The following CIMIP7 variants were observed in gnomAD, a reference collection of about 807,000 sequenced individuals.
The protein encoded by CIMIP7 is ciliary microtubule inner protein 7, also known as uncharacterized protein C3orf84.
At chr3:49,177,939 C>T in the CIMIP7 span, 2 of 1,613,736 alleles carry the variant, frequency 1.2e-6, no homozygotes, top group Non-Finnish European at 1.7e-6. Context: ...ATTCCAGGGG[C>T]CCCTGCTGGC....
chr3:49,179,374 A>G, the CIMIP7 span, among the ~76,000 whole-genome samples: 2 of 152,194 alleles, frequency 1.3e-5, no homozygotes, highest in Non-Finnish European at 2.9e-5. Flanking sequence ...AGCAGCCAGC[A>G]TAATTCTGTT....
chr3:49,181,625 A>G, the CIMIP7 span, among the ~76,000 whole-genome samples: 1 of 152,218 alleles, frequency 6.6e-6, no homozygotes, highest in Admixed American at 6.5e-5. Flanking sequence ...GCCACTGCGA[A>G]CCAAGCTACA....
At chr3:49,180,979 T>TA in the CIMIP7 span, among the ~76,000 whole-genome samples, 2 of 148,676 alleles carry the variant, frequency 1.3e-5, no homozygotes, top group African/African-American at 5.0e-5. Flanking sequence ...CCGCCTGCCT[T>TA]AGACAGTCTG....
At chr3:49,186,841 T>C in the CIMIP7 span, among the ~76,000 whole-genome samples, 1 of 152,244 alleles carries the variant, frequency 6.6e-6, no homozygotes, top group Non-Finnish European at 1.5e-5. Context: ...TATTATACTA[T>C]AGCTTTGCAA....
chr3:49,190,757 C>T, the CIMIP7 span, among the ~76,000 whole-genome samples: 1 of 150,702 alleles, frequency 6.6e-6, no homozygotes, highest in Non-Finnish European at 1.5e-5. Context: ...CAACCTCTGC[C>T]TCCCGGGTTC....
At chr3:49,191,402 A>C in the CIMIP7 span, among the ~76,000 whole-genome samples, 1 of 152,226 alleles carries the variant, frequency 6.6e-6, no homozygotes, top group Admixed American at 6.5e-5. Context: ...ATGGACAAAA[A>C]CACAATCTTT....
the CIMIP7 span, among the ~76,000 whole-genome samples, chr3:49,191,037 G>A: frequency 7.2e-5 from 11 of 152,244 alleles, no homozygotes; most frequent in East Asian, 2.1e-3. Context: ...CAAGAAAGGG[G>A]CTGTACTGTG....
the CIMIP7 span, among the ~76,000 whole-genome samples, chr3:49,178,713 T>G: frequency 6.6e-6 from 1 of 152,080 alleles, no homozygotes; most frequent in South Asian, 2.1e-4. Context: ...AACACTTCAG[T>G]CCTGGGATAT....
At chr3:49,178,094 A>G in the CIMIP7 span, 1 of 1,519,262 alleles carries the variant, frequency 6.6e-7, no homozygotes, top group Non-Finnish European at 8.8e-7. Context: ...TCCTGGCACC[A>G]AGCACCTTCT....
the CIMIP7 span, among the ~76,000 whole-genome samples, chr3:49,179,144 A>C: frequency 1.3e-5 from 2 of 152,110 alleles, no homozygotes; most frequent in East Asian, 3.9e-4. Flanking sequence ...CCTGTCAAAC[A>C]CCTTGAGTCC....
At chr3:49,181,343 GAAAA>G in the CIMIP7 span, among the ~76,000 whole-genome samples, 3 of 126,632 alleles carry the variant, frequency 2.4e-5, no homozygotes. Context: ...CTATCTCCAA[GAAAA>G]AAAAAAAAAA....
At chr3:49,190,185 A>G in the CIMIP7 span, 1 of 1,403,214 alleles carries the variant, frequency 7.1e-7, no homozygotes. Context: ...AATCTCCACC[A>G]TGGATCCTAG....
chr3:49,181,637 A>C, the CIMIP7 span, among the ~76,000 whole-genome samples: 3 of 152,212 alleles, frequency 2.0e-5, no homozygotes, highest in Non-Finnish European at 2.9e-5. Flanking sequence ...CAAGCTACAG[A>C]CTGGGAGAAA....
chr3:49,183,665 C>A, the CIMIP7 span, among the ~76,000 whole-genome samples: 1 of 152,176 alleles, frequency 6.6e-6, no homozygotes, highest in African/African-American at 2.4e-5. Context: ...GAAAACAAAA[C>A]AAAACAACAA....
At chr3:49,178,493 A>C in the CIMIP7 span, 1 of 1,613,640 alleles carries the variant, frequency 6.2e-7, no homozygotes, top group Non-Finnish European at 8.5e-7. Flanking sequence ...TTGTCAAAGG[A>C]AGTACGGTTG....
At chr3:49,189,636 T>C in the CIMIP7 span, among the ~76,000 whole-genome samples, 4 of 152,168 alleles carry the variant, frequency 2.6e-5, no homozygotes, top group Non-Finnish European at 5.9e-5. Context: ...TCCTACTAAT[T>C]TCTAAGGACC....
At chr3:49,191,855 A>G in the CIMIP7 span, 2 of 1,370,326 alleles carry the variant, frequency 1.5e-6, no homozygotes, top group African/African-American at 2.9e-5. Flanking sequence ...CTGGAGGTCA[A>G]TTTTTTGTTG....
At chr3:49,177,635 G>A in the CIMIP7 span, 1 of 1,569,278 alleles carries the variant, frequency 6.4e-7, no homozygotes, top group Non-Finnish European at 8.7e-7. Flanking sequence ...AGGCTGCTGT[G>A]TCAGCTGTCC....
At chr3:49,178,167 T>C in the CIMIP7 span, 1 of 1,046,792 alleles carries the variant, frequency 9.6e-7, no homozygotes, top group Non-Finnish European at 1.3e-6. Flanking sequence ...TGTCTTGGCC[T>C]GTACCCTGGC....
Sources: gnomAD v4.1 joint callset for allele counts (sites outside exome capture counted in the v4.1 genomes callset) on GRCh38, gnomAD v4.1.1 for gene constraint, MANE v1.5 for transcripts, NCBI Gene and HGNC (gene_info 2026-07-23, HGNC 2026-07-21) for gene names.